Variants in CACNA1E observed in about 807,000 individuals in gnomAD.
The protein encoded by CACNA1E is voltage-dependent R-type calcium channel subunit alpha-1E.
In CACNA1E, 40 loss-of-function variants were observed where a neutral mutation model predicts 259.2. The ratio of observed to expected loss-of-function variants is 0.15; its 90% CI spans 0.12 to 0.20. The LOEUF (loss-of-function observed/expected upper bound fraction) is 0.20. Among genes scored for constraint, CACNA1E ranks in the 10% least tolerant of loss-of-function variants. The pLI, the probability that CACNA1E is intolerant of heterozygous loss-of-function variation, is 1.00. For missense variants in CACNA1E, 1,874 were observed against 3,040.1 expected, an observed-to-expected ratio of 0.62 and a Z score of 9.02; for synonymous variants, 1,104 against 1,138.5, an observed-to-expected ratio of 0.97 and a Z score of 0.61.
At chr1:181,685,772 C>T (rs1414110690) in intron 7 of CACNA1E, among the ~76,000 whole-genome samples, 1 of 152,174 alleles carries the variant, frequency 6.6e-6, no homozygotes, top group Non-Finnish European at 1.5e-5. Flanking sequence ...GAATACTTCA[C>T]CTATATCTCA....
intron 7 of CACNA1E, among the ~76,000 whole-genome samples, chr1:181,689,484 G>C (rs1446231303): frequency 1.3e-5 from 2 of 152,054 alleles, no homozygotes; most frequent in African/African-American, 4.8e-5. Flanking sequence ...TAATCCTTTG[G>C]GTATATACCC....
At chr1:181,624,067 C>T (rs1404723149) in intron 6 of CACNA1E, among the ~76,000 whole-genome samples, 1 of 152,170 alleles carries the variant, frequency 6.6e-6, no homozygotes, top group Admixed American at 6.5e-5. Flanking sequence ...GAAGGGGAGC[C>T]TGCCACATGG....
At chr1:181,691,671 AAAT>A (rs1651171753) in intron 7 of CACNA1E, among the ~76,000 whole-genome samples, 1 of 152,138 alleles carries the variant, frequency 6.6e-6, no homozygotes, top group South Asian at 2.1e-4. Flanking sequence ...ACATACCTCA[AAAT>A]AATAAGAGCC....
intron 7 of CACNA1E, among the ~76,000 whole-genome samples, chr1:181,708,699 A>C (rs537563834): frequency 6.6e-6 from 1 of 152,346 alleles, no homozygotes; most frequent in Non-Finnish European, 1.5e-5. Context: ...CTGGGTTCTA[A>C]TCTTGGCTCT....
chr1:181,783,633 ATTTT>A, intron 39 of CACNA1E, 42 bp from the exon 40 acceptor site: 11 of 872,170 alleles, frequency 1.3e-5, no homozygotes, highest in South Asian at 3.3e-5. Flanking sequence ...ATGTCTTTCA[ATTTT>A]TTTTTTTTTT....
At chr1:181,491,298 A>G (rs545781142) in intron 1 of CACNA1E, among the ~76,000 whole-genome samples, 21 of 152,260 alleles carry the variant, frequency 1.4e-4, no homozygotes, top group Admixed American at 1.2e-3. Context: ...TTTCATCTAC[A>G]CTACTGGCTG....
rs1314242202 is a variant in CACNA1E, at chr1:181,621,262, T to C, written c.952-30076T>C. 3.3e-5 allele frequency among the ~76,000 whole-genome samples: 5 copies of C among 152,314 alleles called. No individual in the cohort carries two copies. The East Asian group carries it at 9.7e-4, about 29-fold the overall frequency. On this transcript the variant is annotated intron_variant, in intron 6 of 47. Coordinates refer to ENST00000367573, the MANE Select transcript of CACNA1E (RefSeq NM_001205293.3). ...GTATAGAAGGTTTTGGATGAGAGGT[T>C]GATGTTTTAAAAATAGTGTTCTAGA...
At chr1:181,795,174 T>A (rs774457588) in intron 46 of CACNA1E, 130 bp downstream of exon 46, 1 of 755,754 alleles carries the variant, frequency 1.3e-6, no homozygotes, top group African/African-American at 1.8e-5. Flanking sequence ...TGAAGGATGC[T>A]CCTTACCAAA....
At chr1:181,406,892 C>T (rs1298629902) in intron 1 of CACNA1E, among the ~76,000 whole-genome samples, 2 of 152,168 alleles carry the variant, frequency 1.3e-5, no homozygotes, top group Admixed American at 1.3e-4. Context: ...ATTCTTATCA[C>T]AGGCTTCTGT....
At position 181,785,303 on chromosome 1, in the gene CACNA1E, C is replaced by T. The variant is rs748212503; in HGVS notation, c.5579-15C>T. On this transcript the variant is annotated splice_polypyrimidine_tract_variant and intron_variant, in intron 41 of 47. Transcript: ENST00000367573. ...CTACTCCCTGTTCACCATCATGCCA[C>T]ATTTGTGTTTCTAGCCTCTGACCTG... is the stretch of plus-strand genomic sequence containing the variant. 1 of 1,509,264 alleles carries T rather than the reference C, an allele frequency of 6.6e-7. No homozygotes were observed. Among genetic ancestry groups the T allele is most frequent in the South Asian group, 1.1e-5 (1 of 88,412 alleles). The allele number at this position is 1,509,264 out of a possible 1,614,324, so 93.5% of individuals were successfully genotyped here. A position where few individuals can be genotyped will look rare whatever the true frequency, so the allele number is the denominator to read the frequency against.
intron 3 of CACNA1E, among the ~76,000 whole-genome samples, chr1:181,539,801 G>A (rs1351707778): frequency 6.6e-6 from 1 of 152,274 alleles, no homozygotes; most frequent in Middle Eastern, 3.4e-3. Flanking sequence ...AATTCACCTT[G>A]TCTCCACAGA....
chr1:181,409,505 A>T (rs1404576902), intron 1 of CACNA1E, among the ~76,000 whole-genome samples: 1 of 152,224 alleles, frequency 6.6e-6, no homozygotes, highest in Admixed American at 6.5e-5. Context: ...ACCTAATATG[A>T]ATTGAACTCA....
intron 16 of CACNA1E, among the ~76,000 whole-genome samples, chr1:181,723,795 G>A (rs1187760121): frequency 6.6e-6 from 1 of 152,166 alleles, no homozygotes; most frequent in Non-Finnish European, 1.5e-5. Flanking sequence ...GTTGAAGAGG[G>A]GCAGAGGGAA....
intron 7 of CACNA1E, among the ~76,000 whole-genome samples, chr1:181,681,051 A>G (rs1275412685): frequency 1.3e-5 from 2 of 152,246 alleles, no homozygotes; most frequent in Non-Finnish European, 2.9e-5. Context: ...GCGGTGTGTG[A>G]CAGTTCTACT....
At chr1:181,553,441 T>C (rs182937648) in intron 3 of CACNA1E, among the ~76,000 whole-genome samples, 2 of 152,334 alleles carry the variant, frequency 1.3e-5, no homozygotes, top group East Asian at 3.9e-4. Flanking sequence ...AATTATGTCA[T>C]CTGCAAACAG....
intron 1 of CACNA1E, among the ~76,000 whole-genome samples, chr1:181,504,952 T>C (rs1489635726): frequency 6.6e-6 from 1 of 152,112 alleles, no homozygotes; most frequent in Admixed American, 6.5e-5. Context: ...TTTGAGGAGA[T>C]TGCCAGTAAA....
Position 181,580,680 on chromosome 1 carries a change from C to T in CACNA1E, c.855C>T (p.Pro285=). 1 of 1,614,050 alleles carries T rather than the reference C, an allele frequency of 6.2e-7. No individual in the cohort carries two copies. ...ATGAATGCAAGGACTGGATCGGCCC[C>T]AATGATGGGATCACCCAGTTTGATA... ...AGYECKDWIG[P]NDGITQFDNI... Residue 285 remains proline, a synonymous_variant, in exon 6 of 48, where the codon CCC becomes CCT. Coordinates refer to ENST00000367573, the MANE Select transcript of CACNA1E (RefSeq NM_001205293.3).
At chr1:181,431,028 A>G (rs996669695) in intron 2 of CACNA1E, among the ~76,000 whole-genome samples, 13 of 152,188 alleles carry the variant, frequency 8.5e-5, no homozygotes, top group African/African-American at 2.9e-4. Flanking sequence ...AACTTATTTT[A>G]TTGATTTCTT....
intron 1 of CACNA1E, among the ~76,000 whole-genome samples, chr1:181,502,532 C>T (rs1165674239): frequency 5.3e-5 from 8 of 152,176 alleles, no homozygotes; most frequent in East Asian, 1.9e-4. Flanking sequence ...CTCACCTGGG[C>T]AGGGTGGAGC....
Sources: gnomAD v4.1 joint callset for allele counts (sites outside exome capture counted in the v4.1 genomes callset) on GRCh38, gnomAD v4.1.1 for gene constraint, MANE v1.5 for transcripts, NCBI Gene and HGNC (gene_info 2026-07-23, HGNC 2026-07-21) for gene names.